The following COG6 variants were observed in gnomAD, a reference collection of about 807,000 sequenced individuals.
COG6 encodes the protein conserved oligomeric Golgi complex subunit 6.
Under a neutral mutation model 88.8 loss-of-function variants are expected in COG6, and 74 were observed. The observed-to-expected ratio is 0.83, with a 90% CI of 0.69 to 1.01. The LOEUF is 1.01. COG6 is among the 50% of genes least tolerant of loss of function. COG6 has a pLI of 0.00. For missense variants in COG6, 800 were observed against 797.9 expected, an observed-to-expected ratio of 1.00 and a Z score of -0.03; for synonymous variants, 286 against 278.7, an observed-to-expected ratio of 1.03 and a Z score of -0.26.
chr13:39,775,980 T>C (rs1353657401), intron 18 of COG6, among the ~76,000 whole-genome samples: 2 of 152,050 alleles, frequency 1.3e-5, no homozygotes, highest in Non-Finnish European at 2.9e-5. Flanking sequence ...TGTTGGTCAG[T>C]CTGGTCTCGA....
intron 8 of COG6, among the ~76,000 whole-genome samples, chr13:39,684,239 G>A (rs1350189210): frequency 4.3e-5 from 3 of 69,262 alleles, no homozygotes; most frequent in African/African-American, 1.5e-4. Flanking sequence ...TGGCAATTTG[G>A]AAGATTTTTT....
At chr13:39,722,767 C>G in intron 15 of COG6, among the ~76,000 whole-genome samples, 1 of 152,072 alleles carries the variant, frequency 6.6e-6, no homozygotes, top group East Asian at 1.9e-4. Flanking sequence ...CTACTCACAT[C>G]TGTTAGCTGC....
chr13:39,724,175 T>C (rs1879005242), intron 16 of COG6, among the ~76,000 whole-genome samples: 1 of 152,020 alleles, frequency 6.6e-6, no homozygotes. Context: ...TTCTGTACTT[T>C]CTAAAAGTAT....
At chr13:39,735,528 A>G (rs912695412) in intron 18 of COG6, among the ~76,000 whole-genome samples, 1 of 152,116 alleles carries the variant, frequency 6.6e-6, no homozygotes, top group African/African-American at 2.4e-5. Flanking sequence ...TCAAGATATG[A>G]GTAGTTTACA....
chr13:39,749,150 A>G (rs1187653888), intron 18 of COG6, among the ~76,000 whole-genome samples: 2 of 152,222 alleles, frequency 1.3e-5, no homozygotes. Context: ...GTGAAGAAAC[A>G]GTTTTCCTGA....
Position 39,687,580 on chromosome 13 carries a change from G to T in COG6, c.866G>T (p.Gly289Val), listed in dbSNP as rs779625068. The change falls in exon 9 of 19, where the codon GGC (glycine) becomes GTC (valine). Residue 289 changes from glycine to valine, a missense_variant. Gly to Val is a moderately radical substitution (Grantham distance 109). Coordinates refer to ENST00000455146, the MANE Select transcript of COG6 (RefSeq NM_020751.3). ...RGFIDALTRG[G>V]PGGTPRPIEM... The stretch of plus-strand genomic sequence containing the variant: ...TTTATTGATGCGCTCACAAGAGGGG[G>T]CCCCGGAGGTACACCTAGACCAATT... The T allele has an allele frequency of 7.4e-6, 12 of 1,613,598 alleles. No individual in the cohort carries two copies. In the South Asian group the frequency reaches 7.7e-5, roughly 10 times the overall value.
At chr13:39,773,543 T>G (rs1593484687) in intron 18 of COG6, among the ~76,000 whole-genome samples, 2 of 152,218 alleles carry the variant, frequency 1.3e-5, no homozygotes, top group Admixed American at 1.3e-4. Flanking sequence ...GTGAATGATT[T>G]TAGATTGGCG....
intron 18 of COG6, among the ~76,000 whole-genome samples, chr13:39,729,950 C>T (rs185827434): frequency 6.6e-6 from 1 of 152,186 alleles, no homozygotes; most frequent in East Asian, 1.9e-4. Flanking sequence ...GAGTCGTTTG[C>T]CTCAGAAACT....
chr13:39,757,399 A>C (rs547815211), downstream of COG6, among the ~76,000 whole-genome samples: 65 of 152,212 alleles, frequency 4.3e-4, no homozygotes, highest in African/African-American at 1.5e-3. Flanking sequence ...TAACCTTAAG[A>C]AACATAAAAG....
At chr13:39,705,083 T>C (rs1486937747) in intron 13 of COG6, among the ~76,000 whole-genome samples, 7 of 152,184 alleles carry the variant, frequency 4.6e-5, no homozygotes, top group Non-Finnish European at 1.0e-4. Flanking sequence ...TGATTTCACT[T>C]CCTCTAAAAA....
At chr13:39,657,838 A>G (rs1874621948) in intron 1 of COG6, among the ~76,000 whole-genome samples, 1 of 152,180 alleles carries the variant, frequency 6.6e-6, no homozygotes, top group Non-Finnish European at 1.5e-5. Flanking sequence ...AGCAAAAAGC[A>G]TGATTACTCT....
intron 18 of COG6, among the ~76,000 whole-genome samples, chr13:39,740,117 A>T (rs549821850): frequency 6.6e-6 from 1 of 152,224 alleles, no homozygotes. Context: ...CTAAATAGGC[A>T]TACTCTGTTC....
intron 13 of COG6, among the ~76,000 whole-genome samples, chr13:39,715,249 A>G (rs922752635): frequency 3.6e-5 from 4 of 110,676 alleles, no homozygotes; most frequent in Non-Finnish European, 7.3e-5. Context: ...AAAAGACACT[A>G]TATACTCCTC....
intron 18 of COG6, among the ~76,000 whole-genome samples, chr13:39,735,242 C>G (rs1297059622): frequency 1.3e-5 from 2 of 151,646 alleles, no homozygotes; most frequent in Admixed American, 6.6e-5. Flanking sequence ...TTTTAAATTT[C>G]TTTTTATTTT....
chr13:39,782,069 C>T (rs894722503), intron 18 of COG6, among the ~76,000 whole-genome samples: 2 of 152,148 alleles, frequency 1.3e-5, no homozygotes, highest in African/African-American at 4.8e-5. Context: ...TATCTACAGA[C>T]TTTGTGGTCA....
intron 13 of COG6, among the ~76,000 whole-genome samples, chr13:39,700,292 A>G (rs1315263042): frequency 1.3e-5 from 2 of 151,824 alleles, no homozygotes; most frequent in Admixed American, 1.3e-4. Context: ...TAGGCTAGCT[A>G]TATTAGGCCC....
intron 17 of COG6, among the ~76,000 whole-genome samples, chr13:39,724,965 A>G (rs1879054425): frequency 6.6e-6 from 1 of 151,952 alleles, no homozygotes; most frequent in Non-Finnish European, 1.5e-5. Context: ...CTCTTAAAAC[A>G]GTTTATTACT....
Position 39,690,310 on chromosome 13 carries a change from G to A in COG6, c.1074+486G>A, listed in dbSNP as rs556614666. Among the ~76,000 whole-genome samples the A allele has an allele frequency of 4.6e-5, 7 of 152,060 alleles. No homozygotes were observed. The South Asian group carries it at 1.5e-3, about 32-fold the overall frequency. On this transcript the variant is annotated intron_variant, in intron 11 of 18. Coordinates refer to ENST00000455146, the MANE Select transcript of COG6 (RefSeq NM_020751.3). ...AGAATTTGGAATCAAATTTGAGTTA[G>A]AATTCCCATATTGCCACTTAATTGT...
At chr13:39,776,078 G>A (rs1022258497) in intron 18 of COG6, among the ~76,000 whole-genome samples, 2 of 152,208 alleles carry the variant, frequency 1.3e-5, no homozygotes, top group Non-Finnish European at 2.9e-5. Context: ...CGAAAGTTTT[G>A]TTTTAGGCAA....
Sources: gnomAD v4.1 joint callset for allele counts (sites outside exome capture counted in the v4.1 genomes callset) on GRCh38, gnomAD v4.1.1 for gene constraint, MANE v1.5 for transcripts, NCBI Gene and HGNC (gene_info 2026-07-23, HGNC 2026-07-21) for gene names.